Variants in DLGAP2 observed in about 807,000 individuals in gnomAD.
The protein encoded by DLGAP2 is DLG associated protein 2, also known as disks large-associated protein 2.
A neutral mutation model predicts 100.3 loss-of-function variants in DLGAP2; 26 were observed. The ratio of observed to expected loss-of-function variants is 0.26; its 90% CI spans 0.19 to 0.36. The LOEUF (loss-of-function observed/expected upper bound fraction) is 0.36. Ranked by LOEUF, DLGAP2 falls within the 10% of genes least tolerant of loss-of-function variation. The probability of loss-of-function intolerance (pLI) is 1.00; values close to 1 mark genes in which losing one functional copy is unlikely to be tolerated. For missense variants in DLGAP2, 1,858 were observed against 1,453.2 expected (o/e 1.28, Z -4.53); for synonymous variants, 886 against 630.1 (o/e 1.41, Z -6.08).
chr8:1,193,793 G>A (rs1055683507), intron 2 of DLGAP2, among the ~76,000 whole-genome samples: 3 of 152,012 alleles, frequency 2.0e-5, no homozygotes, highest in African/African-American at 7.2e-5. Flanking sequence ...TCCGCACCAT[G>A]CCCCCTGCAG....
chr8:1,567,741 C>T (rs1021233564), intron 6 of DLGAP2, among the ~76,000 whole-genome samples: 3 of 152,212 alleles, frequency 2.0e-5, no homozygotes, highest in Non-Finnish European at 4.4e-5. Context: ...GCAAAACTCA[C>T]ACCATCACCC....
At chr8:1,267,610 AGATAAGATAAGAT>A (rs1799489198) in intron 3 of DLGAP2, among the ~76,000 whole-genome samples, 2 of 112,760 alleles carry the variant, frequency 1.8e-5, no homozygotes, top group Admixed American at 8.3e-5. Context: ...AGATAAGATA[AGATAAGATAAGAT>A]AAATATTAAA....
At chr8:1,665,924 T>C (rs985634251) in intron 8 of DLGAP2, among the ~76,000 whole-genome samples, 1 of 152,262 alleles carries the variant, frequency 6.6e-6, no homozygotes, top group Admixed American at 6.5e-5. Flanking sequence ...GCGGGCTCTC[T>C]GACCATGTGT....
chr8:1,635,138 T>A (rs1797737468), intron 8 of DLGAP2, among the ~76,000 whole-genome samples: 1 of 152,244 alleles, frequency 6.6e-6, no homozygotes, highest in Admixed American at 6.5e-5. Flanking sequence ...CTCTGCTGTT[T>A]CCCATTTTAC....
intron 1 of DLGAP2, among the ~76,000 whole-genome samples, chr8:745,313 G>C (rs1265298460): frequency 2.0e-5 from 3 of 152,184 alleles, no homozygotes; most frequent in Non-Finnish European, 2.9e-5. Context: ...GAGAATTGTA[G>C]TTTCAACCTT....
chr8:765,614 C>T (rs900365438), intron 1 of DLGAP2, among the ~76,000 whole-genome samples: 2 of 152,098 alleles, frequency 1.3e-5, no homozygotes, highest in Non-Finnish European at 2.9e-5. Context: ...ACAACAGTGA[C>T]CCTAGGGAAA....
At chr8:738,354 G>T (rs1479103125) in intron 1 of DLGAP2, among the ~76,000 whole-genome samples, 1 of 151,818 alleles carries the variant, frequency 6.6e-6, no homozygotes, top group African/African-American at 2.4e-5. Context: ...GGGCGGGGGC[G>T]ACCAGGATGG....
At chr8:1,200,697 T>G (rs1193041034) in intron 2 of DLGAP2, among the ~76,000 whole-genome samples, 2 of 151,456 alleles carry the variant, frequency 1.3e-5, no homozygotes, top group Admixed American at 6.6e-5. Flanking sequence ...CCTTCAAAGG[T>G]TGGATCTTAT....
rs760613506 is a variant in DLGAP2, at chr8:1,549,285, A to C, written c.832A>C (p.Ser278Arg). ...HAHHAKHSKR[S>R]KSKERKPEGK... is the part of the protein sequence containing the mutation. ...CCACCACGCCAAGCACAGCAAGAGGAGCAAGAGCAAGGAGCGCAAGCCGGA... is the reference window on the plus strand; with the variant it reads ...CCACCACGCCAAGCACAGCAAGAGGCGCAAGAGCAAGGAGCGCAAGCCGGA... The change falls in exon 5 of 15, where the codon AGC (serine) becomes CGC (arginine). Residue 278 changes from serine (S) to arginine (R), a missense_variant. Transcript: ENST00000637795. 5.6e-6 allele frequency: 9 copies of C among 1,612,036 alleles called. No individual in the cohort carries two copies. Among genetic ancestry groups the C allele is most frequent in the Non-Finnish European group, 6.8e-6 (8 of 1,179,626 alleles).
intron 3 of DLGAP2, among the ~76,000 whole-genome samples, chr8:1,271,487 C>G (rs1331568947): frequency 6.6e-6 from 1 of 152,188 alleles, no homozygotes; most frequent in Non-Finnish European, 1.5e-5. Context: ...GCCCATTTAT[C>G]AGGCATTATC....
At chr8:884,091 C>T (rs1230902975) in intron 1 of DLGAP2, among the ~76,000 whole-genome samples, 2 of 152,182 alleles carry the variant, frequency 1.3e-5, no homozygotes, top group African/African-American at 2.4e-5. Context: ...AATAGTGCTG[C>T]AATAAACATA....
chr8:1,365,172 G>C (rs1266247005), intron 3 of DLGAP2, among the ~76,000 whole-genome samples: 2 of 152,196 alleles, frequency 1.3e-5, no homozygotes, highest in Non-Finnish European at 2.9e-5. Flanking sequence ...GGCATTTGAG[G>C]GGTGTGTTAG....
At chr8:1,512,913 C>G (rs1303653740) in intron 4 of DLGAP2, among the ~76,000 whole-genome samples, 7 of 152,278 alleles carry the variant, frequency 4.6e-5, no homozygotes, top group African/African-American at 1.7e-4. Flanking sequence ...CCTGTGCCAT[C>G]TGTGTGTGCA....
At chr8:1,596,560 T>C (rs1038769099) in intron 6 of DLGAP2, among the ~76,000 whole-genome samples, 4 of 152,166 alleles carry the variant, frequency 2.6e-5, no homozygotes, top group African/African-American at 9.6e-5. Flanking sequence ...TTAATGATCG[T>C]CATTCTAACT....
chr8:843,188 G>C (rs1797013600), intron 1 of DLGAP2, among the ~76,000 whole-genome samples: 1 of 152,198 alleles, frequency 6.6e-6, no homozygotes, highest in South Asian at 2.1e-4. Context: ...GCAGAATCCG[G>C]GAGAGCTTTT....
In DLGAP2 at chr8:1,134,139, G is replaced by C. The variant is rs577233994; in HGVS notation, c.74-124712G>C. Among the ~76,000 whole-genome samples, 5 of 152,130 alleles carry C rather than the reference G, an allele frequency of 3.3e-5. No homozygotes were observed. In the South Asian group the frequency reaches 1.0e-3, roughly 32 times the overall value. On this transcript the variant is annotated intron_variant, in intron 2 of 14. Coordinates refer to ENST00000637795, the MANE Select transcript of DLGAP2 (RefSeq NM_001346810.2). ...AGTTCACTGAGGATAATGGCCTCCA[G>C]TTCCATCTGTGTTCCTGCCAAGGAC...
chr8:1,266,821 C>T (rs561922057), intron 3 of DLGAP2, among the ~76,000 whole-genome samples: 237 of 152,182 alleles, frequency 1.6e-3, no homozygotes, highest in Non-Finnish European at 1.6e-3. Flanking sequence ...GGAATACATG[C>T]CCTCTCCCCA....
chr8:1,502,589 G>C (rs1039098710), intron 4 of DLGAP2, among the ~76,000 whole-genome samples: 3 of 152,112 alleles, frequency 2.0e-5, no homozygotes, highest in African/African-American at 7.2e-5. Context: ...AAAGTATTTC[G>C]ACTTCTCATT....
intron 3 of DLGAP2, among the ~76,000 whole-genome samples, chr8:1,488,875 C>A (rs1372326931): frequency 6.6e-6 from 1 of 152,120 alleles, no homozygotes. Flanking sequence ...CAGGGGGCAT[C>A]AAAGGGGACC....
Sources: allele counts gnomAD v4.1 joint callset (sites outside exome capture counted in the v4.1 genomes callset), GRCh38; gene constraint gnomAD v4.1.1; transcripts MANE v1.5; gene names NCBI Gene and HGNC (gene_info 2026-07-23, HGNC 2026-07-21).